GGTA1: variants seen among roughly 807,000 people sequenced by gnomAD.
The protein encoded by GGTA1 is inactive N-acetyllactosaminide alpha-1,3-galactosyltransferase.
GGTA1 carries 5 observed loss-of-function variants against 2.6 expected under a neutral mutation model. That is an observed-to-expected ratio of 1.92 (90% CI 1.00 to 4.04). GGTA1 has a LOEUF of 4.04. GGTA1 is among the 30% of genes most tolerant of loss of function. The pLI is 0.00. For missense variants in GGTA1, 50 were observed against 16.7 expected, an observed-to-expected ratio of 2.99 and a Z score of -3.47; for synonymous variants, 17 against 5.0, an observed-to-expected ratio of 3.38 and a Z score of -3.19.
intron 7 of GGTA1, among the ~76,000 whole-genome samples, chr9:121,449,547 C>T (rs118111346): frequency 9.9e-5 from 15 of 152,126 alleles, no homozygotes; most frequent in Admixed American, 2.6e-4. Context: ...AAGCATTGCA[C>T]GCCATCTCCC....
exon 8 of GGTA1, chr9:121,446,296 G>A (rs546571697): frequency 3.3e-4 from 50 of 152,366 alleles, no homozygotes; most frequent in African/African-American, 1.2e-3. Flanking sequence ...GGCTCATTCA[G>A]GTTCCTTGGG....
intron 1 of GGTA1, among the ~76,000 whole-genome samples, chr9:121,485,296 G>A (rs1828736081): frequency 6.6e-6 from 1 of 152,122 alleles, no homozygotes; most frequent in South Asian, 2.1e-4. Context: ...ACAGAATGGA[G>A]CCTCCAGGAA....
intron 1 of GGTA1, chr9:121,479,439 C>A (rs2118729677): frequency 3.7e-6 from 1 of 268,974 alleles, no homozygotes; most frequent in African/African-American, 2.3e-5. Flanking sequence ...AGCTGTTTAT[C>A]AGGCCTGTTG....
intron 1 of GGTA1, chr9:121,479,352 A>C (rs2118729458): frequency 2.8e-6 from 1 of 351,244 alleles, no homozygotes; most frequent in East Asian, 7.7e-5. Context: ...AAGAATAAAC[A>C]GCTGTTTCAG....
At chr9:121,464,135 C>T (rs533293595) in intron 2 of GGTA1, among the ~76,000 whole-genome samples, 55 of 152,288 alleles carry the variant, frequency 3.6e-4, no homozygotes, top group Middle Eastern at 6.8e-3. Context: ...CAGCAATATC[C>T]ACATTGCAGT....
In GGTA1 at chr9:121,494,221, T is replaced by C. The variant is rs561508517; in HGVS notation, c.-10+5429A>G. ...CCCCAAAGTCTCTTGTGGATGTCTG[T>C]GTGGGGTTGCCCTGTGGCACAAAAT... On this transcript the variant is annotated intron_variant, in intron 1 of 5. Coordinates refer to ENST00000481799, the MANE Select transcript of GGTA1 (RefSeq NM_001382585.1). Among the ~76,000 whole-genome samples the C allele has an allele frequency of 2.6e-5, 4 of 152,320 alleles. No individual in the cohort carries two copies. The East Asian group carries it at 7.7e-4, about 29-fold the overall frequency.
intron 1 of GGTA1, among the ~76,000 whole-genome samples, chr9:121,470,029 G>A (rs764990230): frequency 2.0e-5 from 3 of 152,166 alleles, no homozygotes; most frequent in Non-Finnish European, 4.4e-5. Context: ...CCACCCTTGT[G>A]TCTTTCCCAT....
intron 1 of GGTA1, among the ~76,000 whole-genome samples, chr9:121,493,313 TC>T (rs1828912298): frequency 1.3e-5 from 2 of 151,894 alleles, no homozygotes; most frequent in African/African-American, 4.8e-5. Flanking sequence ...CTACCTCCAT[TC>T]CCTACCTGTG....
chr9:121,494,857 C>G (rs1828953887), intron 1 of GGTA1: 1 of 152,430 alleles, frequency 6.6e-6, no homozygotes, highest in African/African-American at 2.4e-5. Flanking sequence ...AAGAAAGAAA[C>G]CTGGGTTGAG....
chr9:121,457,042 A>G (rs1290352045), intron 5 of GGTA1, among the ~76,000 whole-genome samples: 1 of 152,216 alleles, frequency 6.6e-6, no homozygotes, highest in Non-Finnish European at 1.5e-5. Context: ...AGAAAAGCTG[A>G]TGGCAACATG....
intron 1 of GGTA1, among the ~76,000 whole-genome samples, chr9:121,483,242 T>C (rs1361201229): frequency 6.6e-6 from 1 of 152,092 alleles, no homozygotes; most frequent in African/African-American, 2.4e-5. Flanking sequence ...TCTCAGTGAC[T>C]CATTCGAGGT....
At chr9:121,485,185 C>A (rs1218617678) in intron 1 of GGTA1, among the ~76,000 whole-genome samples, 4 of 152,170 alleles carry the variant, frequency 2.6e-5, no homozygotes, top group Non-Finnish European at 5.9e-5. Context: ...GAAGGGCAGC[C>A]AACGGGTCTG....
chr9:121,451,844 G>A (rs1042081528), downstream of GGTA1: 1 of 152,320 alleles, frequency 6.6e-6, no homozygotes, highest in Non-Finnish European at 1.5e-5. Context: ...ATGGTGGTCA[G>A]GGAGGAGGTG....
At chr9:121,499,280 CA>C (rs1829056501) in intron 1 of GGTA1, among the ~76,000 whole-genome samples, 1 of 152,088 alleles carries the variant, frequency 6.6e-6, no homozygotes, top group Admixed American at 6.5e-5. Flanking sequence ...CAGGCAAGGA[CA>C]GACCCCTCAC....
rs894706222 is a variant in GGTA1 at position 121,463,395 on chromosome 9, C to T, written c.81-67G>A. ...AATTCTGAGAAAGGCGATTTTGTAA[C>T]CATTATCACTGAGCCCGGGGCTGAG... On this transcript the variant is annotated intron_variant, in intron 2 of 5. Transcript: ENST00000481799. 28 of 441,674 alleles carry T rather than the reference C, an allele frequency of 6.3e-5. No individual in the cohort carries two copies. In the Admixed American group the frequency reaches 7.1e-4, roughly 11 times the overall value. 27.4% of individuals were successfully genotyped at this position (441,674 alleles called of 1,614,324 possible).
chr9:121,490,656 T>C (rs1828854637), intron 1 of GGTA1, among the ~76,000 whole-genome samples: 1 of 152,246 alleles, frequency 6.6e-6, no homozygotes, highest in African/African-American at 2.4e-5. Context: ...AGGCAGGTGC[T>C]AGAGCAACGT....
rs548117067 is a variant in GGTA1 at position 121,456,978 on chromosome 9, A to G, written c.299-1137T>C. ...TGAGCCACTGCGTCCAACACAACTC[A>G]TTATTGACTGAATTCCCTCTAAGCA... On this transcript the variant is annotated intron_variant, in intron 5 of 5. Coordinates refer to ENST00000481799, the MANE Select transcript of GGTA1 (RefSeq NM_001382585.1). 2.6e-5 allele frequency among the ~76,000 whole-genome samples: 4 copies of G among 152,222 alleles called. No individual in the cohort carries two copies. In the South Asian group the frequency reaches 6.2e-4, roughly 24 times the overall value.
chr9:121,499,243 C>G (rs1350743296), intron 1 of GGTA1, among the ~76,000 whole-genome samples: 2 of 152,050 alleles, frequency 1.3e-5, no homozygotes. Context: ...TTGTCCTGGG[C>G]AAGAGCCATT....
At chr9:121,478,937 C>T in intron 1 of GGTA1, 1 of 344,244 alleles carries the variant, frequency 2.9e-6, no homozygotes, top group South Asian at 1.8e-5. Flanking sequence ...CATAACTTCA[C>T]CCTGAGCCCC....
Sources: allele counts gnomAD v4.1 joint callset (sites outside exome capture counted in the v4.1 genomes callset), GRCh38; gene constraint gnomAD v4.1.1; transcripts MANE v1.5; gene names NCBI Gene and HGNC (gene_info 2026-07-23, HGNC 2026-07-21).